The following TLK1 variants were observed in gnomAD, a reference collection of about 807,000 sequenced individuals.
TLK1 encodes tousled like kinase 1, also known as serine/threonine-protein kinase tousled-like 1.
TLK1 carries 24 observed loss-of-function variants against 105.3 expected under a neutral mutation model. The ratio of observed to expected loss-of-function variants is 0.23; its 90% CI spans 0.17 to 0.32. The LOEUF (loss-of-function observed/expected upper bound fraction) is 0.32. Ranked by LOEUF, TLK1 falls within the 10% of genes least tolerant of loss-of-function variation. The pLI is 1.00. For missense variants in TLK1, 558 were observed against 910.5 expected (o/e 0.61, Z 4.98); for synonymous variants, 321 against 310.4 (o/e 1.03, Z -0.36).
chr2:171,029,795 G>T (rs537451391), intron 11 of TLK1, among the ~76,000 whole-genome samples: 1 of 152,146 alleles, frequency 6.6e-6, no homozygotes, highest in African/African-American at 2.4e-5. Context: ...GCCCAGGCTG[G>T]AGTGCAGTGG....
At chr2:171,150,663 T>C (rs914306801) in intron 1 of TLK1, among the ~76,000 whole-genome samples, 1 of 152,168 alleles carries the variant, frequency 6.6e-6, no homozygotes, top group East Asian at 1.9e-4. Context: ...AAGCTAAAGG[T>C]ATATGTCTGG....
At chr2:171,168,147 A>C (rs1022143789) in intron 1 of TLK1, among the ~76,000 whole-genome samples, 1 of 152,078 alleles carries the variant, frequency 6.6e-6, no homozygotes, top group African/African-American at 2.4e-5. Flanking sequence ...TCTTTTCGTA[A>C]AAAATATCAA....
chr2:170,996,524 C>T, intron 20 of TLK1, 129 bp downstream of exon 20: 1 of 580,052 alleles, frequency 1.7e-6, no homozygotes. Flanking sequence ...AATCACCAGC[C>T]CCTGCTGGAC....
At chr2:171,099,275 T>C (rs930049571) in intron 2 of TLK1, among the ~76,000 whole-genome samples, 1 of 151,896 alleles carries the variant, frequency 6.6e-6, no homozygotes, top group Non-Finnish European at 1.5e-5. Context: ...ATCAAAAAAA[T>C]AAAATACTTA....
At position 171,015,906 on chromosome 2, in the gene TLK1, C is replaced by A. The variant is rs898908774; in HGVS notation, c.1237-958G>T. On this transcript the variant is annotated intron_variant, in intron 12 of 20. Coordinates refer to ENST00000431350, the MANE Select transcript of TLK1 (RefSeq NM_012290.5). ...CCAGCCTGACCAACATGGAGAAACC[C>A]CGTCTCTACTAAAAATACAAAATTA... 9.2e-5 allele frequency among the ~76,000 whole-genome samples: 14 copies of A among 152,144 alleles called. No individual in the cohort carries two copies. In the East Asian group the frequency reaches 1.8e-3, roughly 19 times the overall value.
rs1692412160 is a variant in TLK1, at chr2:171,160,203, C to CGGGGCGGG, written c.139+79_139+86dup. 1 of 1,187,318 alleles carries CGGGGCGGG rather than the reference C, an allele frequency of 8.4e-7. No homozygotes were observed. Among genetic ancestry groups the CGGGGCGGG allele is most frequent in the African/African-American group, 2.5e-5 (1 of 40,692 alleles). The allele number at this position is 1,187,318 out of a possible 1,614,324, so 73.5% of individuals were successfully genotyped here. On this transcript the variant is annotated intron_variant, in intron 1 of 20. Coordinates refer to ENST00000431350, the MANE Select transcript of TLK1 (RefSeq NM_012290.5). The surrounding 1 kb of genome is among the most constrained non-coding windows in gnomAD (Gnocchi z 4.4). ...ACCCCAGGGTCTGGCGGAGAAGCCC[C>CGGGGCGGG]GGGGCGGGGGGGGCGGGGGGGGGGC... is the stretch of plus-strand genomic sequence containing the variant.
chr2:171,183,603 C>T (rs942785320), intron 1 of TLK1, among the ~76,000 whole-genome samples: 2 of 152,040 alleles, frequency 1.3e-5, no homozygotes, highest in Non-Finnish European at 2.9e-5. Flanking sequence ...GTCTTCTAGT[C>T]TGGTGCTTGC....
At chr2:170,994,856 G>A (rs540089978) in intron 20 of TLK1, 10 of 360,452 alleles carry the variant, frequency 2.8e-5, no homozygotes, top group South Asian at 1.1e-4. Flanking sequence ...CCTTTTTTGG[G>A]GGGGGAGGGA....
intron 14 of TLK1, among the ~76,000 whole-genome samples, chr2:171,007,590 T>A (rs1039351394): frequency 1.3e-5 from 2 of 152,114 alleles, no homozygotes. Context: ...TACTATAATG[T>A]GCCCTTATGC....
intron 1 of TLK1, among the ~76,000 whole-genome samples, chr2:171,170,636 TCA>T (rs752671860): frequency 1.3e-5 from 2 of 152,164 alleles, no homozygotes; most frequent in African/African-American, 2.4e-5. Flanking sequence ...TGATGCGAAG[TCA>T]CAAGGTGAAA....
intron 12 of TLK1, among the ~76,000 whole-genome samples, chr2:171,025,347 C>G (rs567081009): frequency 6.6e-6 from 1 of 152,318 alleles, no homozygotes; most frequent in East Asian, 1.9e-4. Flanking sequence ...TCTTTCTATT[C>G]TCCTATGTCC....
In TLK1 at chr2:171,076,899, T is replaced by C. The variant is rs548169060; in HGVS notation, c.330+5882A>G. Among the ~76,000 whole-genome samples the C allele has an allele frequency of 7.3e-5, 11 of 151,148 alleles. No homozygotes were observed. In the East Asian group the frequency reaches 2.1e-3, roughly 29 times the overall value. On this transcript the variant is annotated intron_variant, in intron 3 of 20. Transcript: ENST00000431350. ...ACTGCACTCCAGCCTAGGCAACGAGTGAGACTCTGTCTCAAAAAAAAGAAA... is the reference window on the plus strand; with the variant it reads ...ACTGCACTCCAGCCTAGGCAACGAGCGAGACTCTGTCTCAAAAAAAAGAAA...
Position 171,053,858 on chromosome 2 carries a change from ATG to A in TLK1, c.640-7_640-6del. The stretch of plus-strand genomic sequence containing the variant: ...TTTCAGCATTGTGAGATCAGTCTAA[ATG>A]AAAAAAAGTTATTTTATTATCTCCA... On this transcript the variant is annotated splice_polypyrimidine_tract_variant and splice_region_variant and intron_variant, in intron 7 of 20. Coordinates refer to ENST00000431350, the MANE Select transcript of TLK1 (RefSeq NM_012290.5). 1 of 1,581,142 alleles carries A rather than the reference ATG, an allele frequency of 6.3e-7. No homozygotes were observed. Among genetic ancestry groups the A allele is most frequent in the Non-Finnish European group, 8.6e-7 (1 of 1,168,200 alleles).
chr2:171,162,085 A>C (rs1209680975), upstream of TLK1, among the ~76,000 whole-genome samples: 1 of 152,220 alleles, frequency 6.6e-6, no homozygotes, highest in East Asian at 1.9e-4. Context: ...ACTAGAAAAG[A>C]ACCTTGATTG....
chr2:171,228,457 GGGA>G (rs1412508887), intron 1 of TLK1, among the ~76,000 whole-genome samples: 4 of 152,040 alleles, frequency 2.6e-5, no homozygotes, highest in African/African-American at 9.7e-5. Context: ...AGGCTGAGGT[GGGA>G]GGACTGCTTG....
rs964948236 is a variant in TLK1, at chr2:171,209,331, T to C, written c.-6+21814A>G. Among the ~76,000 whole-genome samples the C allele has an allele frequency of 3.3e-5, 5 of 152,312 alleles. No individual in the cohort carries two copies. The South Asian group carries it at 8.3e-4, about 25-fold the overall frequency. ...TGATTTTGAACCATATGAATGTTTT[T>C]CTTATTCAAAAAATTAAGTTTAAGT... On this transcript the variant is annotated intron_variant, in intron 1 of 20. Coordinates refer to the TLK1 transcript ENST00000521943.
intron 1 of TLK1, among the ~76,000 whole-genome samples, chr2:171,213,377 A>AT (rs1419781248): frequency 6.6e-6 from 1 of 151,468 alleles, no homozygotes; most frequent in South Asian, 2.1e-4. Context: ...TAATTTATGT[A>AT]TTTTTTGTAG....
chr2:170,996,763 T>TAA lies in TLK1; in HGVS notation c.2017-5_2017-4dup. ...TGAGATTGATTGTGACCAAATGGCTTAAAAAAAAAATTAAATGTTGAGATA... is the reference window on the plus strand; with the variant it reads ...TGAGATTGATTGTGACCAAATGGCTTAAAAAAAAAAAATTAAATGTTGAGATA... On this transcript the variant is annotated splice_region_variant and splice_polypyrimidine_tract_variant and intron_variant, in intron 19 of 20. Transcript: ENST00000431350. 2 of 1,522,462 alleles carry TAA rather than the reference T, an allele frequency of 1.3e-6. No individual in the cohort carries two copies. Among genetic ancestry groups the TAA allele is most frequent in the Non-Finnish European group, 1.8e-6 (2 of 1,123,460 alleles). The allele number at this position is 1,522,462 out of a possible 1,614,324, so 94.3% of individuals were successfully genotyped here.
upstream of TLK1, among the ~76,000 whole-genome samples, chr2:171,164,137 T>C (rs1271610010): frequency 6.6e-6 from 1 of 152,238 alleles, no homozygotes; most frequent in East Asian, 1.9e-4. Context: ...TTGTGGATAC[T>C]TCCTTAGAAG....
Sources: allele counts gnomAD v4.1 joint callset (sites outside exome capture counted in the v4.1 genomes callset), GRCh38; gene constraint gnomAD v4.1.1; non-coding constraint Gnocchi (gnomAD v3.1); transcripts MANE v1.5; gene names NCBI Gene and HGNC (gene_info 2026-07-23, HGNC 2026-07-21).